The following RNF175 variants were observed in gnomAD, a reference collection of about 807,000 sequenced individuals.
RNF175 encodes ring finger protein 175.
In RNF175, 38 loss-of-function variants were observed where a neutral mutation model predicts 50.0. The ratio of observed to expected loss-of-function variants is 0.76; its 90% CI spans 0.59 to 1.00. The LOEUF is 1.00. Ranked by LOEUF, RNF175 falls within the 50% of genes least tolerant of loss-of-function variation. The pLI, the probability that RNF175 is intolerant of heterozygous loss-of-function variation, is 0.00. For synonymous variants in RNF175, 155 were observed against 146.1 expected (o/e 1.06, Z -0.44); for missense variants, 388 against 409.6 (o/e 0.95, Z 0.46).
At chr4:153,749,165 C>T (rs183299752) in intron 2 of RNF175, among the ~76,000 whole-genome samples, 2 of 152,342 alleles carry the variant, frequency 1.3e-5, no homozygotes, top group East Asian at 3.9e-4. Flanking sequence ...TGCCTCACAA[C>T]CTTGGGGAAG....
At chr4:153,753,083 G>T (rs1188274326) in intron 1 of RNF175, among the ~76,000 whole-genome samples, 2 of 152,168 alleles carry the variant, frequency 1.3e-5, no homozygotes, top group Non-Finnish European at 2.9e-5. Context: ...GTCCAGAGCA[G>T]CCAATTCTGA....
intron 3 of RNF175, chr4:153,745,795 A>G (rs1422434244): frequency 2.0e-5 from 3 of 152,230 alleles, no homozygotes; most frequent in Non-Finnish European, 4.4e-5. Flanking sequence ...ATCCTTTTAT[A>G]AGGAACCTAC....
chr4:153,755,115 G>A (rs376411768), intron 1 of RNF175, among the ~76,000 whole-genome samples: 1 of 152,268 alleles, frequency 6.6e-6, no homozygotes, highest in Non-Finnish European at 1.5e-5. Context: ...GAGCAGATCA[G>A]TTGATGATAC....
chr4:153,724,591 CTCTT>C (rs1255316523), intron 4 of RNF175, among the ~76,000 whole-genome samples: 1 of 152,156 alleles, frequency 6.6e-6, no homozygotes, highest in Non-Finnish European at 1.5e-5. Flanking sequence ...CTGTCTCTGA[CTCTT>C]TCACCTTCCC....
At chr4:153,718,258 A>C in intron 6 of RNF175, among the ~76,000 whole-genome samples, 1 of 82,392 alleles carries the variant, frequency 1.2e-5, no homozygotes, top group Admixed American at 1.6e-4. Context: ...TTTTTGAAGC[A>C]GATGCACTGG....
At chr4:153,759,006 T>C (rs1027847369) in intron 1 of RNF175, among the ~76,000 whole-genome samples, 1 of 152,116 alleles carries the variant, frequency 6.6e-6, no homozygotes, top group African/African-American at 2.4e-5. Context: ...CTGTGAGTGA[T>C]TTTTGTTGTT....
chr4:153,711,281 A>C (rs759429321), intron 8 of RNF175, among the ~76,000 whole-genome samples: 14 of 151,994 alleles, frequency 9.2e-5, no homozygotes, highest in Non-Finnish European at 1.3e-4. Flanking sequence ...AGGAAGGTGG[A>C]AGGATCATCA....
At chr4:153,752,208 G>A (rs1240146072) in intron 1 of RNF175, among the ~76,000 whole-genome samples, 1 of 152,202 alleles carries the variant, frequency 6.6e-6, no homozygotes, top group Non-Finnish European at 1.5e-5. Context: ...TGTAACTTTG[G>A]TGGAGAGCAC....
intron 3 of RNF175, among the ~76,000 whole-genome samples, chr4:153,742,720 A>T (rs1739737788): frequency 6.6e-6 from 1 of 152,100 alleles, no homozygotes; most frequent in Admixed American, 6.5e-5. Context: ...GGGATAAAAA[A>T]TAATTACCTC....
At chr4:153,753,498 G>A (rs1740398000) in intron 1 of RNF175, among the ~76,000 whole-genome samples, 1 of 151,880 alleles carries the variant, frequency 6.6e-6, no homozygotes, top group Non-Finnish European at 1.5e-5. Context: ...GAGGACCCTG[G>A]ACATCTCAAA....
At chr4:153,724,757 G>T (rs912639011) in intron 4 of RNF175, among the ~76,000 whole-genome samples, 3 of 151,930 alleles carry the variant, frequency 2.0e-5, no homozygotes, top group African/African-American at 7.3e-5. Flanking sequence ...ATGGGTTGTG[G>T]GCTAGCTCCT....
intron 3 of RNF175, among the ~76,000 whole-genome samples, chr4:153,741,642 T>G (rs1393193787): frequency 6.6e-6 from 1 of 152,258 alleles, no homozygotes; most frequent in Non-Finnish European, 1.5e-5. Flanking sequence ...AAGCCATTGA[T>G]AATCAGTTTG....
At chr4:153,726,463 A>AC (rs1212450513) in intron 4 of RNF175, among the ~76,000 whole-genome samples, 1 of 152,104 alleles carries the variant, frequency 6.6e-6, no homozygotes. Flanking sequence ...GTTGAGAGGA[A>AC]ACTCACTTCC....
chr4:153,743,499 CAG>C (rs1447194255), intron 3 of RNF175, among the ~76,000 whole-genome samples: 1 of 152,138 alleles, frequency 6.6e-6, no homozygotes, highest in Non-Finnish European at 1.5e-5. Context: ...GCTAACCCAG[CAG>C]AGTCTCAAGG....
chr4:153,748,902 C>T (rs1005642150), intron 2 of RNF175, 116 bp from the exon 3 acceptor site: 1 of 929,742 alleles, frequency 1.1e-6, no homozygotes. Context: ...CAAAAAGCAA[C>T]AGGGGATTTC....
At chr4:153,712,114 T>C (rs1190666070) in intron 8 of RNF175, among the ~76,000 whole-genome samples, 1 of 152,226 alleles carries the variant, frequency 6.6e-6, no homozygotes, top group Non-Finnish European at 1.5e-5. Flanking sequence ...TTTCTATTTA[T>C]GCACCTATCT....
chr4:153,716,681 A>C (rs1737953087), intron 6 of RNF175, among the ~76,000 whole-genome samples: 1 of 152,198 alleles, frequency 6.6e-6, no homozygotes, highest in Non-Finnish European at 1.5e-5. Context: ...GATTGATTTA[A>C]AGGAATTGGC....
chr4:153,759,397 G>T (rs1014430934), intron 1 of RNF175, among the ~76,000 whole-genome samples: 2 of 152,170 alleles, frequency 1.3e-5, no homozygotes, highest in African/African-American at 2.4e-5. Flanking sequence ...CCCCTCTCTC[G>T]CAGCTTACGA....
intron 3 of RNF175, among the ~76,000 whole-genome samples, chr4:153,731,146 T>C (rs1013000524): frequency 1.3e-5 from 2 of 152,248 alleles, no homozygotes; most frequent in Admixed American, 1.3e-4. Context: ...AATTCAGTGA[T>C]TGCATGGCTA....
Sources: gnomAD v4.1 joint callset for allele counts (sites outside exome capture counted in the v4.1 genomes callset) on GRCh38, gnomAD v4.1.1 for gene constraint, MANE v1.5 for transcripts, NCBI Gene and HGNC (gene_info 2026-07-23, HGNC 2026-07-21) for gene names.